Variants in SANBR observed in about 807,000 individuals in gnomAD.
SANBR encodes the protein SANT and BTB domain regulator of CSR.
Under a neutral mutation model 101.8 loss-of-function variants are expected in SANBR, and 77 were observed. That is an observed-to-expected ratio of 0.76 (90% confidence interval 0.63 to 0.91). The LOEUF (loss-of-function observed/expected upper bound fraction) is 0.91, where lower values mean the gene tolerates loss of function less well. SANBR is among the 40% of genes least tolerant of loss of function. The probability of loss-of-function intolerance (pLI) is 0.00; values close to 1 mark genes in which losing one functional copy is unlikely to be tolerated. For missense variants in SANBR, 875 were observed against 853.0 expected, an observed-to-expected ratio of 1.03 and a Z score of -0.32; for synonymous variants, 279 against 274.7, an observed-to-expected ratio of 1.02 and a Z score of -0.15.
intron 6 of SANBR, among the ~76,000 whole-genome samples, chr2:61,078,926 C>T (rs1040823661): frequency 2.6e-5 from 4 of 151,836 alleles, no homozygotes; most frequent in African/African-American, 4.8e-5. Context: ...GTAATCCCAG[C>T]TACTTGGGAG....
At chr2:61,098,931 A>C (rs1358365509) in intron 12 of SANBR, among the ~76,000 whole-genome samples, 1 of 152,252 alleles carries the variant, frequency 6.6e-6, no homozygotes, top group East Asian at 1.9e-4. Context: ...AGGGCCATAA[A>C]TGTCTGTAAT....
chr2:61,098,323 C>T lies in SANBR; in HGVS notation c.1365+471C>T, dbSNP rs548351507. On this transcript the variant is annotated intron_variant, in intron 12 of 21. Transcript: ENST00000402291. The stretch of plus-strand genomic sequence containing the variant: ...TTCGCCATGTTGCCCAGGCTGGTCT[C>T]GAACTCATGAGCTGAAGCGATCTGC... Among the ~76,000 whole-genome samples, 6 of 152,088 alleles carry T rather than the reference C, an allele frequency of 3.9e-5. 1 individual carries two copies. In the East Asian group the frequency reaches 7.7e-4, roughly 20 times the overall value.
chr2:61,126,679 G>A (rs1300568355), downstream of SANBR, among the ~76,000 whole-genome samples: 1 of 150,284 alleles, frequency 6.7e-6, no homozygotes, highest in Non-Finnish European at 1.5e-5. Flanking sequence ...GCGGGTGCTT[G>A]CAATCCCAGC....
rs993410603 is a variant in SANBR, at chr2:61,112,308, T to G, written c.1744+3012T>G. On this transcript the variant is annotated intron_variant, in intron 16 of 21. Transcript: ENST00000402291. ...GATAGTGTTAAGCAACTTTTCATGTTTTTACTGACCATTTATATATCTTTT... is the reference window on the plus strand; with the variant it reads ...GATAGTGTTAAGCAACTTTTCATGTGTTTACTGACCATTTATATATCTTTT... Among the ~76,000 whole-genome samples the G allele has an allele frequency of 7.2e-5, 11 of 152,316 alleles. No homozygotes were observed. In the East Asian group the frequency reaches 2.1e-3, roughly 29 times the overall value.
intron 12 of SANBR, among the ~76,000 whole-genome samples, chr2:61,100,735 A>G (rs910756594): frequency 2.0e-5 from 3 of 152,184 alleles, no homozygotes; most frequent in African/African-American, 4.8e-5. Context: ...TGAGGGGAGT[A>G]TGGAAGGTTT....
chr2:61,074,135 T>TA (rs1199136245), intron 5 of SANBR, among the ~76,000 whole-genome samples: 5 of 152,246 alleles, frequency 3.3e-5, no homozygotes, highest in Non-Finnish European at 4.4e-5. Flanking sequence ...TTTGTATACT[T>TA]ACTTTTCATG....
chr2:61,083,082 C>A (rs1406682439), intron 7 of SANBR, 72 bp from the exon 8 acceptor site: 5 of 1,182,190 alleles, frequency 4.2e-6, no homozygotes, highest in African/African-American at 1.5e-5. Context: ...TGAATTTTAT[C>A]TTTGAAAGGT....
chr2:61,083,012 G>A (rs1682221595), intron 7 of SANBR, 142 bp from the exon 8 acceptor site: 2 of 639,434 alleles, frequency 3.1e-6, no homozygotes, highest in South Asian at 4.3e-5. Context: ...TACAGATTAA[G>A]TCAAAAACTG....
intron 13 of SANBR, among the ~76,000 whole-genome samples, chr2:61,104,606 T>C (rs1436017440): frequency 6.6e-6 from 1 of 152,334 alleles, no homozygotes; most frequent in East Asian, 1.9e-4. Flanking sequence ...GATCAACCAG[T>C]TGATTGTATC....
intron 3 of SANBR, 142 bp from the exon 4 acceptor site, chr2:61,071,464 T>C (rs1418905568): frequency 1.4e-5 from 6 of 422,616 alleles, no homozygotes; most frequent in Admixed American, 4.7e-5. Flanking sequence ...GCAGGAGAAT[T>C]GCTTGAACCC....
chr2:61,099,754 A>G (rs1268566860), intron 12 of SANBR, among the ~76,000 whole-genome samples: 3 of 152,196 alleles, frequency 2.0e-5, no homozygotes, highest in Non-Finnish European at 4.4e-5. Flanking sequence ...GAGCCTGCAA[A>G]GGAGAATGGT....
chr2:61,094,124 A>T, intron 11 of SANBR: 1 of 966,548 alleles, frequency 1.0e-6, no homozygotes, highest in Non-Finnish European at 1.2e-6. Context: ...GTGTTCCCAC[A>T]ATTTTAAAAA....
chr2:61,089,936 G>A (rs1175438299), intron 10 of SANBR, among the ~76,000 whole-genome samples: 1 of 152,090 alleles, frequency 6.6e-6, no homozygotes, highest in Non-Finnish European at 1.5e-5. Flanking sequence ...GGAGGCTGAG[G>A]TGAGAGGATT....
rs376152108 is a variant in SANBR, at chr2:61,102,169, C to A, written c.1366-1684C>A. The stretch of plus-strand genomic sequence containing the variant: ...CGGTCAGATCATGAGGTCAAGAGAT[C>A]GAGACCACCCTGACTGACCAACATG... On this transcript the variant is annotated intron_variant, in intron 12 of 21. Coordinates refer to ENST00000402291, the MANE Select transcript of SANBR (RefSeq NM_001129993.3). Among the ~76,000 whole-genome samples, 21 of 151,696 alleles carry A rather than the reference C, an allele frequency of 1.4e-4. No homozygotes were observed. The East Asian group carries it at 2.5e-3, about 18-fold the overall frequency.
intron 5 of SANBR, among the ~76,000 whole-genome samples, chr2:61,075,468 A>C (rs946657911): frequency 2.0e-5 from 3 of 152,076 alleles, no homozygotes; most frequent in African/African-American, 7.2e-5. Flanking sequence ...CGGGTTACCC[A>C]GGCTGGTCTG....
At chr2:61,119,978 TA>T (rs1684256239) in intron 20 of SANBR, among the ~76,000 whole-genome samples, 1 of 151,888 alleles carries the variant, frequency 6.6e-6, no homozygotes, top group African/African-American at 2.4e-5. Context: ...GAAAAACCCA[TA>T]CCAAGTGCTG....
intron 20 of SANBR, among the ~76,000 whole-genome samples, chr2:61,130,224 T>C (rs897533957): frequency 6.6e-6 from 1 of 152,124 alleles, no homozygotes; most frequent in South Asian, 2.1e-4. Context: ...ATTTCCTCAG[T>C]TGTTGCTCCA....
downstream of SANBR, among the ~76,000 whole-genome samples, chr2:61,124,898 G>A (rs1472759851): frequency 6.6e-6 from 1 of 152,090 alleles, no homozygotes; most frequent in Non-Finnish European, 1.5e-5. Context: ...TGGAAGCTGA[G>A]GCTGAAGCTC....
intron 19 of SANBR, among the ~76,000 whole-genome samples, 162 bp from the exon 20 acceptor site, chr2:61,117,866 A>G (rs1684149681): frequency 6.6e-6 from 1 of 152,244 alleles, no homozygotes; most frequent in Non-Finnish European, 1.5e-5. Flanking sequence ...GTCATCTGCC[A>G]CTTGCTAACT....
Sources: allele counts gnomAD v4.1 joint callset (sites outside exome capture counted in the v4.1 genomes callset), GRCh38; gene constraint gnomAD v4.1.1; transcripts MANE v1.5; gene names NCBI Gene and HGNC (gene_info 2026-07-23, HGNC 2026-07-21).